HSH2D: variants seen among roughly 807,000 people sequenced by gnomAD.
The protein encoded by HSH2D is hematopoietic SH2 domain-containing protein.
In HSH2D, 16 loss-of-function variants were observed where a neutral mutation model predicts 21.5. That is an observed-to-expected ratio of 0.74 (90% CI 0.50 to 1.13). The LOEUF (loss-of-function observed/expected upper bound fraction) is 1.13, where lower values mean the gene tolerates loss of function less well. Ranked by LOEUF, HSH2D falls within the 50% of genes most tolerant of loss-of-function variation. The pLI, the probability that HSH2D is intolerant of heterozygous loss-of-function variation, is 0.00. For missense variants in HSH2D, 418 were observed against 441.4 expected (o/e 0.95, Z 0.47); for synonymous variants, 172 against 184.7 (o/e 0.93, Z 0.56).
intron 2 of HSH2D, among the ~76,000 whole-genome samples, chr19:16,151,993 G>A (rs1285948070): frequency 1.3e-5 from 2 of 148,902 alleles, no homozygotes; most frequent in Non-Finnish European, 1.5e-5. Flanking sequence ...TGTAATCCCC[G>A]CTACTCAGGA....
chr19:16,142,052 C>T (rs1599408681), upstream of HSH2D: 1 of 152,310 alleles, frequency 6.6e-6, no homozygotes. Context: ...TACCACTGCA[C>T]TCCAGCCTGA....
intron 1 of HSH2D, among the ~76,000 whole-genome samples, chr19:16,135,954 C>G (rs17795814): frequency 0.14 from 21,366 of 152,080 alleles, 1,807 homozygotes; most frequent in East Asian, 0.29. Context: ...ATCCTCTTCC[C>G]TCAAAGAAAC....
At chr19:16,145,061 C>CA (rs1212122734) in intron 1 of HSH2D, among the ~76,000 whole-genome samples, 1 of 123,248 alleles carries the variant, frequency 8.1e-6, no homozygotes, top group Non-Finnish European at 1.6e-5. Flanking sequence ...TTTTGTGAGA[C>CA]AGAGTTTCGC....
upstream of HSH2D, chr19:16,143,552 G>C (rs993162465): frequency 1.7e-5 from 5 of 290,902 alleles, no homozygotes; most frequent in East Asian, 1.2e-4. Context: ...ACAGGAGCAA[G>C]CTGTCTCTGC....
chr19:16,157,132 C>A lies in HSH2D; in HGVS notation c.475-78C>A. Reference sequence around the variant, plus strand: ...TCAGCCACAGGGTGTCTGGGTGGAACCCAGGCTCCAATTTCTGGGACAGAC... The same window carrying A: ...TCAGCCACAGGGTGTCTGGGTGGAAACCAGGCTCCAATTTCTGGGACAGAC... On this transcript the variant is annotated intron_variant, in intron 5 of 5. Coordinates refer to ENST00000613986, the MANE Select transcript of HSH2D (RefSeq NM_001382417.1). This position sits in a 1 kb window ranked among gnomAD's most constrained non-coding sequence, Gnocchi z 4.4. 1 of 1,251,316 alleles carries A rather than the reference C, an allele frequency of 8.0e-7. No homozygotes were observed. The highest frequency in any genetic ancestry group is 1.1e-6 in the Non-Finnish European group (1 of 910,566). 77.5% of individuals were successfully genotyped at this position (1,251,316 alleles called of 1,614,324 possible).
upstream of HSH2D, among the ~76,000 whole-genome samples, chr19:16,143,262 T>C (rs2091018882): frequency 6.6e-6 from 1 of 151,992 alleles, no homozygotes; most frequent in Admixed American, 6.6e-5. Flanking sequence ...TTTTCGTATT[T>C]TAATAGAGAC....
intron 1 of HSH2D, among the ~76,000 whole-genome samples, chr19:16,136,020 A>T (rs1369062387): frequency 1.3e-5 from 2 of 152,140 alleles, no homozygotes; most frequent in Non-Finnish European, 2.9e-5. Flanking sequence ...CTCCCCAGGC[A>T]TTGCAAACTC....
intron 2 of HSH2D, among the ~76,000 whole-genome samples, chr19:16,149,424 A>G (rs769192661): frequency 6.6e-6 from 1 of 152,084 alleles, no homozygotes; most frequent in Non-Finnish European, 1.5e-5. Flanking sequence ...GCTGGTCTCA[A>G]ACTCCTGGCC....
chr19:16,148,607 T>A, intron 1 of HSH2D, 117 bp from the exon 2 acceptor site: 1 of 988,906 alleles, frequency 1.0e-6, no homozygotes, highest in Non-Finnish European at 1.5e-6. Context: ...TTAAGTCCAT[T>A]GCTCTGTCCA....
At chr19:16,144,686 C>CTTTTT (rs35070155) in intron 1 of HSH2D, among the ~76,000 whole-genome samples, 26 of 85,922 alleles carry the variant, frequency 3.0e-4, no homozygotes, top group East Asian at 4.6e-4. Context: ...ATTCTAGGCT[C>CTTTTT]TTTTTTTTTT....
At chr19:16,136,363 T>G (rs1455572273) in intron 1 of HSH2D, among the ~76,000 whole-genome samples, 1 of 152,068 alleles carries the variant, frequency 6.6e-6, no homozygotes, top group East Asian at 1.9e-4. Flanking sequence ...TGCCTGGCTT[T>G]CTTCTGAGCC....
At chr19:16,147,585 C>T (rs1034480356) in intron 1 of HSH2D, among the ~76,000 whole-genome samples, 1 of 151,086 alleles carries the variant, frequency 6.6e-6, no homozygotes, top group Non-Finnish European at 1.5e-5. Flanking sequence ...TGTGTAAAAA[C>T]TATCAGGCAC....
chr19:16,145,965 A>C (rs1326857968), intron 1 of HSH2D, among the ~76,000 whole-genome samples: 7 of 151,718 alleles, frequency 4.6e-5, no homozygotes. Flanking sequence ...AATCCCAGCT[A>C]TTCAAGAGGC....
intron 1 of HSH2D, among the ~76,000 whole-genome samples, chr19:16,135,853 G>A (rs2090960227): frequency 7.2e-6 from 1 of 139,434 alleles, no homozygotes; most frequent in South Asian, 2.3e-4. Context: ...TGAGGACAGG[G>A]ACTTCTGTAG....
At position 16,148,882 on chromosome 19, in the gene HSH2D, A is replaced by G; in HGVS notation, c.125+7A>G. On this transcript the variant is annotated splice_region_variant and intron_variant, in intron 2 of 5. Coordinates refer to ENST00000613986, the MANE Select transcript of HSH2D (RefSeq NM_001382417.1). ...ATGGTGCAATCTCAAGAGAGTGAGG[A>G]CACACCCACACCCTCCACCCTGCCC... 1 of 1,605,640 alleles carries G rather than the reference A, an allele frequency of 6.2e-7. No homozygotes were observed. The highest frequency in any genetic ancestry group is 8.5e-7 in the Non-Finnish European group (1 of 1,174,966).
intron 1 of HSH2D, among the ~76,000 whole-genome samples, chr19:16,145,524 G>T (rs999354306): frequency 3.3e-5 from 5 of 152,078 alleles, no homozygotes; most frequent in Admixed American, 6.6e-5. Context: ...CCAATTCCAG[G>T]CTCTTAATCA....
chr19:16,154,138 T>G (rs554218823), intron 4 of HSH2D, among the ~76,000 whole-genome samples: 1 of 151,976 alleles, frequency 6.6e-6, no homozygotes, highest in South Asian at 2.1e-4. Flanking sequence ...CATCTTTCCT[T>G]AGAAGGCTCA....
chr19:16,140,887 T>G (rs569580227), upstream of HSH2D, among the ~76,000 whole-genome samples: 156 of 150,264 alleles, frequency 1.0e-3, no homozygotes, highest in Middle Eastern at 0.014. Context: ...GGGACCCTAC[T>G]CAAAAAAAAA....
At chr19:16,150,807 A>G (rs1026217505) in intron 2 of HSH2D, among the ~76,000 whole-genome samples, 6 of 152,022 alleles carry the variant, frequency 3.9e-5, no homozygotes, top group Admixed American at 1.3e-4. Flanking sequence ...TCAGTGAGTT[A>G]TGATTGCATC....
Sources: gnomAD v4.1 joint callset for allele counts (sites outside exome capture counted in the v4.1 genomes callset) on GRCh38, gnomAD v4.1.1 for gene constraint, Gnocchi (gnomAD v3.1) non-coding constraint, MANE v1.5 for transcripts, NCBI Gene and HGNC (gene_info 2026-07-23, HGNC 2026-07-21) for gene names.